The following SORCS2 variants were observed in gnomAD, a reference collection of about 807,000 sequenced individuals.
SORCS2 encodes the protein sortilin related VPS10 domain containing receptor 2, also known as VPS10 domain-containing receptor SorCS2.
In SORCS2, 100 loss-of-function variants were observed where a neutral mutation model predicts 141.6. That is an observed-to-expected ratio of 0.71 (90% CI 0.60 to 0.83). SORCS2 has a LOEUF of 0.83. SORCS2 is among the 40% of genes least tolerant of loss of function. The pLI, the probability that SORCS2 is intolerant of heterozygous loss-of-function variation, is 0.00. For synonymous variants in SORCS2, 789 were observed against 676.9 expected, an observed-to-expected ratio of 1.17 and a Z score of -2.57; for missense variants, 1,646 against 1,560.2, an observed-to-expected ratio of 1.05 and a Z score of -0.93.
chr4:7,213,229 C>T (rs1290117623), intron 1 of SORCS2, among the ~76,000 whole-genome samples: 2 of 152,294 alleles, frequency 1.3e-5, no homozygotes, highest in East Asian at 1.9e-4. Context: ...TGGGCTGTGG[C>T]ACCTCCTCCA....
intron 2 of SORCS2, among the ~76,000 whole-genome samples, chr4:7,521,364 C>T (rs744357): frequency 0.5 from 75,673 of 151,964 alleles, 19,685 homozygotes; most frequent in Middle Eastern, 0.61. Context: ...CCGGGCTGCA[C>T]TTCCTTCCCC....
At chr4:7,281,302 C>T (rs775512681) in intron 1 of SORCS2, among the ~76,000 whole-genome samples, 16 of 152,048 alleles carry the variant, frequency 1.1e-4, no homozygotes, top group South Asian at 2.1e-4. Context: ...TGCCCATCTC[C>T]GCTTGTCGGT....
intron 2 of SORCS2, among the ~76,000 whole-genome samples, chr4:7,503,899 G>A (rs374777709): frequency 1.8e-4 from 28 of 152,252 alleles, no homozygotes; most frequent in African/African-American, 5.3e-4. Context: ...TGGCAGCGTC[G>A]GGGGGCTGAG....
intron 3 of SORCS2, among the ~76,000 whole-genome samples, chr4:7,544,146 G>A (rs1713064961): frequency 6.7e-6 from 1 of 148,324 alleles, no homozygotes; most frequent in Non-Finnish European, 1.5e-5. Flanking sequence ...CTACCCATCT[G>A]CCCATCCATC....
At chr4:7,213,961 G>A (rs557481355) in intron 1 of SORCS2, among the ~76,000 whole-genome samples, 134 of 152,324 alleles carry the variant, frequency 8.8e-4, no homozygotes, top group Middle Eastern at 3.4e-3. Flanking sequence ...TCCCTGCAGC[G>A]AGTGAGCCAT....
intron 2 of SORCS2, among the ~76,000 whole-genome samples, chr4:7,477,966 G>A (rs1409548745): frequency 6.6e-6 from 1 of 152,186 alleles, no homozygotes; most frequent in East Asian, 1.9e-4. Context: ...CCTCAGATGT[G>A]TGTCTCAGAA....
intron 1 of SORCS2, among the ~76,000 whole-genome samples, chr4:7,326,502 G>A (rs532574476): frequency 3.3e-5 from 5 of 152,228 alleles, no homozygotes; most frequent in South Asian, 2.1e-4. Context: ...TGGGGCTGCC[G>A]GCATGGGAAC....
intron 1 of SORCS2, among the ~76,000 whole-genome samples, chr4:7,306,862 G>C (rs1717870229): frequency 6.6e-6 from 1 of 152,222 alleles, no homozygotes; most frequent in South Asian, 2.1e-4. Context: ...CAGGCAGGCA[G>C]CGTTGTGGGC....
At chr4:7,214,600 G>A (rs188997766) in intron 1 of SORCS2, among the ~76,000 whole-genome samples, 1 of 152,238 alleles carries the variant, frequency 6.6e-6, no homozygotes, top group African/African-American at 2.4e-5. Context: ...GGTTGCTAAG[G>A]AGTAGCCCTG....
chr4:7,438,969 T>C (rs1325638677), intron 2 of SORCS2, among the ~76,000 whole-genome samples: 4 of 152,194 alleles, frequency 2.6e-5, no homozygotes, highest in Non-Finnish European at 4.4e-5. Context: ...TTCTGTACTT[T>C]CCAGCACAGG....
At chr4:7,737,235 AC>A in intron 26 of SORCS2, 63 bp downstream of exon 26, 1 of 1,516,788 alleles carries the variant, frequency 6.6e-7, no homozygotes, top group Non-Finnish European at 8.9e-7. Flanking sequence ...CCCCAAACCC[AC>A]CCCGCCCTCC....
At chr4:7,247,513 C>T (rs545180915) in intron 1 of SORCS2, among the ~76,000 whole-genome samples, 11 of 152,324 alleles carry the variant, frequency 7.2e-5, no homozygotes, top group African/African-American at 2.2e-4. Flanking sequence ...TAAACGGCAT[C>T]GTAAAACAAA....
At chr4:7,342,231 A>G (rs1720408380) in intron 1 of SORCS2, among the ~76,000 whole-genome samples, 1 of 151,722 alleles carries the variant, frequency 6.6e-6, no homozygotes. Flanking sequence ...AGGGCCAGTG[A>G]CAGTGATGTG....
At chr4:7,678,064 C>T (rs566427891) in intron 9 of SORCS2, among the ~76,000 whole-genome samples, 14 of 152,262 alleles carry the variant, frequency 9.2e-5, no homozygotes, top group Admixed American at 8.5e-4. Flanking sequence ...TCCCTGCCCT[C>T]GGGACACAGG....
chr4:7,334,719 C>T (rs1254666050), intron 1 of SORCS2, among the ~76,000 whole-genome samples: 1 of 152,142 alleles, frequency 6.6e-6, no homozygotes, highest in African/African-American at 2.4e-5. Flanking sequence ...CCAAGGCAGC[C>T]CATAATGATC....
intron 4 of SORCS2, among the ~76,000 whole-genome samples, chr4:7,642,467 C>G (rs1179145930): frequency 6.6e-6 from 1 of 152,154 alleles, no homozygotes; most frequent in Non-Finnish European, 1.5e-5. Context: ...GAGAAAAAGG[C>G]TTAGTTGCAG....
chr4:7,388,810 C>T (rs150236425), intron 1 of SORCS2, among the ~76,000 whole-genome samples: 513 of 152,284 alleles, frequency 3.4e-3, no homozygotes, highest in African/African-American at 0.012. Flanking sequence ...CACAGGTGCC[C>T]GGGGCTGCCT....
At chr4:7,338,168 G>GATGT (rs1720115369) in intron 1 of SORCS2, among the ~76,000 whole-genome samples, 1 of 148,326 alleles carries the variant, frequency 6.7e-6, no homozygotes, top group Non-Finnish European at 1.5e-5. Flanking sequence ...TGGTTGGATG[G>GATGT]ATGGATGGAT....
At chr4:7,570,871 A>G (rs551155205) in intron 3 of SORCS2, among the ~76,000 whole-genome samples, 1 of 152,256 alleles carries the variant, frequency 6.6e-6, no homozygotes, top group South Asian at 2.1e-4. Flanking sequence ...TGAGAAAATA[A>G]CACCATGAGT....
Sources: gnomAD v4.1 joint callset for allele counts (sites outside exome capture counted in the v4.1 genomes callset) on GRCh38, gnomAD v4.1.1 for gene constraint, MANE v1.5 for transcripts, NCBI Gene and HGNC (gene_info 2026-07-23, HGNC 2026-07-21) for gene names.